Variants in ANK2 observed in about 807,000 individuals in gnomAD.
The protein encoded by ANK2 is ankyrin 2, also known as ankyrin-2.
In ANK2, 83 loss-of-function variants were observed where a neutral mutation model predicts 360.5. The ratio of observed to expected loss-of-function variants is 0.23; its 90% confidence interval spans 0.19 to 0.28. The LOEUF is 0.28. Among genes scored for constraint, ANK2 ranks in the 10% least tolerant of loss-of-function variants. ANK2 has a pLI of 1.00. For synonymous variants in ANK2, 1,740 were observed against 1,759.5 expected (o/e 0.99, Z 0.28); for missense variants, 4,201 against 4,795.7 (o/e 0.88, Z 3.66).
chr4:113,247,168 A>G (rs1158748446), intron 9 of ANK2, among the ~76,000 whole-genome samples: 1 of 151,858 alleles, frequency 6.6e-6, no homozygotes, highest in Non-Finnish European at 1.5e-5. Context: ...AGAGAAAAAA[A>G]AAAAAACAAC....
At chr4:113,031,525 G>A (rs891029957) in intron 2 of ANK2, 2 of 152,028 alleles carry the variant, frequency 1.3e-5, no homozygotes, top group African/African-American at 4.8e-5. Context: ...AATCATGGAA[G>A]TATAATTAAA....
intron 1 of ANK2, among the ~76,000 whole-genome samples, chr4:113,165,856 A>G (rs954389968): frequency 1.3e-5 from 2 of 152,166 alleles, no homozygotes; most frequent in Non-Finnish European, 2.9e-5. Flanking sequence ...AAGTTTTAAC[A>G]TGGACCTCAA....
At chr4:113,016,148 C>G (rs2056553319) in intron 2 of ANK2, among the ~76,000 whole-genome samples, 1 of 151,946 alleles carries the variant, frequency 6.6e-6, no homozygotes, top group Admixed American at 6.6e-5. Context: ...CTTTGGCCTC[C>G]CAAAGTGTTG....
chr4:113,200,006 A>T (rs1343328670), intron 4 of ANK2, among the ~76,000 whole-genome samples: 1 of 152,224 alleles, frequency 6.6e-6, no homozygotes, highest in Admixed American at 6.5e-5. Flanking sequence ...TAGAAAATAC[A>T]AAAGGCAATG....
intron 2 of ANK2, among the ~76,000 whole-genome samples, chr4:113,022,562 C>T (rs559387048): frequency 3.3e-5 from 5 of 152,204 alleles, no homozygotes; most frequent in East Asian, 3.9e-4. Context: ...TTTAGGGTAT[C>T]GTTCATTCAT....
At chr4:113,123,086 GA>G (rs1442256801) in intron 1 of ANK2, among the ~76,000 whole-genome samples, 1 of 151,570 alleles carries the variant, frequency 6.6e-6, no homozygotes, top group African/African-American at 2.4e-5. Flanking sequence ...AATTTTAATT[GA>G]AAAAAGCTAC....
chr4:112,934,177 C>T (rs1385578844), intron 2 of ANK2, among the ~76,000 whole-genome samples: 1 of 152,180 alleles, frequency 6.6e-6, no homozygotes, highest in Non-Finnish European at 1.5e-5. Flanking sequence ...GGTTTGGAAT[C>T]AGAATTTGGA....
chr4:113,096,800 G>GA (rs1183098955), intron 1 of ANK2, among the ~76,000 whole-genome samples: 2 of 151,658 alleles, frequency 1.3e-5, no homozygotes, highest in African/African-American at 4.8e-5. Context: ...TAGAAACATA[G>GA]AAAAAAACCC....
At position 113,249,751 on chromosome 4, in the gene ANK2, A is replaced by G. The variant is rs2045127489; in HGVS notation, c.892-13A>G. ...AAGTGAACTTGGGCCTAATTCTTTA[A>G]TTCTTTTGGCAGGATGGGTTGACAC... is the stretch of plus-strand genomic sequence containing the variant. On this transcript the variant is annotated splice_polypyrimidine_tract_variant and intron_variant, in intron 9 of 45. Transcript: ENST00000357077. 1 of 1,613,774 alleles carries G rather than the reference A, an allele frequency of 6.2e-7. No homozygotes were observed. Among genetic ancestry groups the G allele is most frequent in the Non-Finnish European group, 8.5e-7 (1 of 1,179,866 alleles).
chr4:112,837,105 G>C (rs2061151558), intron 1 of ANK2, among the ~76,000 whole-genome samples: 1 of 152,194 alleles, frequency 6.6e-6, no homozygotes, highest in Non-Finnish European at 1.5e-5. Flanking sequence ...ATGGTTTCAT[G>C]GGCCAGGTCC....
chr4:113,090,076 T>C (rs1271629256), intron 1 of ANK2, among the ~76,000 whole-genome samples: 1 of 152,228 alleles, frequency 6.6e-6, no homozygotes, highest in Non-Finnish European at 1.5e-5. Flanking sequence ...CCAGATGTCC[T>C]CATACAAGGA....
At chr4:113,250,290 T>C (rs975754429) in intron 10 of ANK2, among the ~76,000 whole-genome samples, 3 of 152,316 alleles carry the variant, frequency 2.0e-5, no homozygotes. Context: ...TCTTAGGCAA[T>C]ACTAATAAAA....
rs10013743 is a variant in ANK2, at chr4:113,358,266, A to G, written c.9648A>G (p.Glu3216=). The change falls in exon 38 of 46, where the codon GAA becomes GAG. Residue 3216 remains glutamate (E), a synonymous_variant. Coordinates refer to ENST00000357077, the MANE Select transcript of ANK2 (RefSeq NM_001148.6). ...CCTCCACTGAAACACCTACAAAAGA[A>G]GCTGTTAGTGTAGGGACCAAGGACC... ...ISASTETPTK[E]AVSVGTKDLP... 0.11 allele frequency: 172,779 copies of G among 1,613,894 alleles called. 10,113 individuals carry two copies. The highest frequency in any genetic ancestry group is 0.18 in the African/African-American group (13,451 of 74,988).
At chr4:113,217,724 C>G (rs1029398392) in intron 4 of ANK2, among the ~76,000 whole-genome samples, 2 of 152,154 alleles carry the variant, frequency 1.3e-5, no homozygotes, top group Non-Finnish European at 2.9e-5. Context: ...TCCCCCGCCC[C>G]GACTCACCTT....
intron 4 of ANK2, among the ~76,000 whole-genome samples, chr4:113,207,492 A>T (rs1344390622): frequency 6.6e-6 from 1 of 152,212 alleles, no homozygotes; most frequent in Non-Finnish European, 1.5e-5. Flanking sequence ...CATAAGAGTT[A>T]CTTCTTTTTC....
At chr4:113,172,064 C>T (rs2097983404) in intron 1 of ANK2, among the ~76,000 whole-genome samples, 1 of 152,200 alleles carries the variant, frequency 6.6e-6, no homozygotes, top group Non-Finnish European at 1.5e-5. Context: ...AGACAATTGG[C>T]TTCTTAATGC....
intron 15 of ANK2, among the ~76,000 whole-genome samples, chr4:113,275,942 T>G (rs1474587995): frequency 2.6e-4 from 38 of 145,846 alleles, no homozygotes; most frequent in Admixed American, 6.8e-5. Flanking sequence ...ACAGTGTTTT[T>G]TTTTTTTTTT....
chr4:112,930,714 C>T (rs1290782625), intron 2 of ANK2, among the ~76,000 whole-genome samples: 1 of 151,908 alleles, frequency 6.6e-6, no homozygotes, highest in Non-Finnish European at 1.5e-5. Flanking sequence ...TGGTGAAACC[C>T]CGTCTCTACT....
the ANK2 span, among the ~76,000 whole-genome samples, chr4:112,791,476 CTTCTTTTTT>C: frequency 3.1e-5 from 3 of 98,276 alleles, no homozygotes; most frequent in African/African-American, 1.4e-4. Flanking sequence ...TCTTCTTCTT[CTTCTTTTTT>C]TTTTTTTTTT....
Sources: gnomAD v4.1 joint callset for allele counts (sites outside exome capture counted in the v4.1 genomes callset) on GRCh38, gnomAD v4.1.1 for gene constraint, MANE v1.5 for transcripts, NCBI Gene and HGNC (gene_info 2026-07-23, HGNC 2026-07-21) for gene names.